The following PTPN4 variants were observed in gnomAD, a reference collection of about 807,000 sequenced individuals.
The protein encoded by PTPN4 is protein tyrosine phosphatase non-receptor type 4.
A neutral mutation model predicts 135.5 loss-of-function variants in PTPN4; 49 were observed. The ratio of observed to expected loss-of-function variants is 0.36; its 90% confidence interval spans 0.29 to 0.46. PTPN4 has a LOEUF of 0.46. Among genes scored for constraint, PTPN4 ranks in the 20% least tolerant of loss-of-function variants. PTPN4 has a pLI of 1.00. For synonymous variants in PTPN4, 333 were observed against 369.9 expected (o/e 0.90, Z 1.14); for missense variants, 860 against 1,101.0 (o/e 0.78, Z 3.10).
At chr2:119,966,572 ATAT>A (rs1273082677) in intron 25 of PTPN4, among the ~76,000 whole-genome samples, 1 of 152,272 alleles carries the variant, frequency 6.6e-6, no homozygotes, top group Non-Finnish European at 1.5e-5. Context: ...CCACCTCCTA[ATAT>A]TATCACATTG....
chr2:119,857,913 T>C (rs1258002568), intron 2 of PTPN4, among the ~76,000 whole-genome samples: 1 of 152,188 alleles, frequency 6.6e-6, no homozygotes, highest in Non-Finnish European at 1.5e-5. Flanking sequence ...TAGAGCCCAG[T>C]AGAAGGCAAT....
chr2:119,799,363 A>G (rs953795850), intron 1 of PTPN4, among the ~76,000 whole-genome samples: 1 of 152,264 alleles, frequency 6.6e-6, no homozygotes, highest in Non-Finnish European at 1.5e-5. Flanking sequence ...TATCAAACAA[A>G]TTAGTAGAAC....
chr2:119,929,616 G>T (rs1678871861), intron 13 of PTPN4, among the ~76,000 whole-genome samples: 1 of 152,060 alleles, frequency 6.6e-6, no homozygotes, highest in Non-Finnish European at 1.5e-5. Flanking sequence ...CAGAAAAGAA[G>T]CTTACCACAT....
At chr2:119,829,545 A>G (rs955154969) in intron 2 of PTPN4, among the ~76,000 whole-genome samples, 2 of 152,318 alleles carry the variant, frequency 1.3e-5, no homozygotes, top group African/African-American at 2.4e-5. Flanking sequence ...TACCTAGTCT[A>G]GATATTGGTT....
At chr2:119,878,962 A>G (rs190931987) in intron 5 of PTPN4, among the ~76,000 whole-genome samples, 3,489 of 151,754 alleles carry the variant, frequency 0.023, 54 homozygotes, top group Non-Finnish European at 0.029. Flanking sequence ...GTGTGGTGGC[A>G]GGCGCCTGTA....
intron 26 of PTPN4, among the ~76,000 whole-genome samples, chr2:119,972,680 T>A (rs562103437): frequency 3.5e-4 from 53 of 152,266 alleles, no homozygotes; most frequent in African/African-American, 1.3e-3. Context: ...AATTATCATA[T>A]TAGCCATGGA....
At chr2:119,863,590 G>C (rs1261583659) in intron 3 of PTPN4, among the ~76,000 whole-genome samples, 3 of 151,986 alleles carry the variant, frequency 2.0e-5, no homozygotes, top group Non-Finnish European at 2.9e-5. Context: ...TCTCTCTCAT[G>C]GTTGGGATCT....
chr2:119,802,100 T>G (rs1287354896), intron 1 of PTPN4, among the ~76,000 whole-genome samples: 1 of 152,126 alleles, frequency 6.6e-6, no homozygotes, highest in Non-Finnish European at 1.5e-5. Flanking sequence ...AGACGGGGTT[T>G]CACCCTGTTA....
In PTPN4 at chr2:119,982,930, A is replaced by G. The variant is rs1679715928; in HGVS notation, c.*5860A>G. On this transcript the variant is annotated 3_prime_UTR_variant, in exon 27 of 27. Coordinates refer to ENST00000263708, the MANE Select transcript of PTPN4 (RefSeq NM_002830.4). ...ATATTAATTCAGCTGAACAAGAACT[A>G]CATCTTAAACCACCTTTGTAGGTAT... is the stretch of plus-strand genomic sequence containing the variant. The G allele has an allele frequency of 6.6e-6, 1 of 152,222 alleles. No individual in the cohort carries two copies. The highest frequency in any genetic ancestry group is 6.5e-5 in the Admixed American group (1 of 15,280). 9.4% of individuals were successfully genotyped at this position (152,222 alleles called of 1,614,324 possible).
At chr2:119,844,715 C>T (rs1458197860) in intron 2 of PTPN4, among the ~76,000 whole-genome samples, 5 of 148,600 alleles carry the variant, frequency 3.4e-5, no homozygotes, top group African/African-American at 1.2e-4. Flanking sequence ...AAGAGGCGCT[C>T]CTCACTTCCT....
intron 23 of PTPN4, 101 bp downstream of exon 23, chr2:119,961,054 T>G: frequency 7.7e-7 from 1 of 1,300,282 alleles, no homozygotes; most frequent in Non-Finnish European, 1.0e-6. Context: ...TTTGTAACCT[T>G]TAATCTTCTT....
At chr2:119,975,719 C>T (rs570913717) in intron 26 of PTPN4, among the ~76,000 whole-genome samples, 23 of 151,694 alleles carry the variant, frequency 1.5e-4, no homozygotes, top group African/African-American at 3.4e-4. Context: ...AGTGAGACTC[C>T]GTCTAAAAAA....
chr2:119,831,204 T>C (rs531302607), intron 2 of PTPN4, among the ~76,000 whole-genome samples: 1 of 152,246 alleles, frequency 6.6e-6, no homozygotes, highest in Admixed American at 6.5e-5. Flanking sequence ...ATGCTATCAC[T>C]GATTTGAGGA....
intron 10 of PTPN4, among the ~76,000 whole-genome samples, chr2:119,914,547 T>C (rs79349330): frequency 0.011 from 1,696 of 152,220 alleles, 17 homozygotes; most frequent in Non-Finnish European, 0.017. Flanking sequence ...AGAATTATCA[T>C]GAAAATATTT....
intron 2 of PTPN4, among the ~76,000 whole-genome samples, chr2:119,820,668 T>G (rs1677052689): frequency 6.6e-6 from 1 of 152,222 alleles, no homozygotes; most frequent in African/African-American, 2.4e-5. Context: ...TGTTTATTCC[T>G]AACTCAAATT....
intron 11 of PTPN4, 130 bp downstream of exon 11, chr2:119,915,372 A>G: frequency 1.6e-6 from 1 of 631,936 alleles, no homozygotes; most frequent in Non-Finnish European, 2.5e-6. Context: ...CCGCTGAGGT[A>G]ATGAATTCAC....
intron 1 of PTPN4, among the ~76,000 whole-genome samples, chr2:119,798,531 C>A (rs13030004): frequency 6.6e-6 from 1 of 151,982 alleles, no homozygotes; most frequent in Non-Finnish European, 1.5e-5. Context: ...ATCTTCTTTC[C>A]CCTTTTAAAA....
chr2:119,766,444 G>GCC, intron 1 of PTPN4, among the ~76,000 whole-genome samples: 1 of 35,186 alleles, frequency 2.8e-5, no homozygotes, highest in South Asian at 1.3e-3. Context: ...ATGCGCATGT[G>GCC]CGCGCGTGTG....
intron 24 of PTPN4, among the ~76,000 whole-genome samples, 167 bp downstream of exon 24, chr2:119,962,911 CCTATT>C (rs1381640479): frequency 4.6e-5 from 7 of 151,994 alleles, no homozygotes; most frequent in Admixed American, 6.6e-5. Flanking sequence ...AGAGTATTAT[CCTATT>C]CTATTATAAA....
Sources: gnomAD v4.1 joint callset for allele counts (sites outside exome capture counted in the v4.1 genomes callset) on GRCh38, gnomAD v4.1.1 for gene constraint, MANE v1.5 for transcripts, NCBI Gene and HGNC (gene_info 2026-07-23, HGNC 2026-07-21) for gene names.